The following CSTF3 variants were observed in gnomAD, a reference collection of about 807,000 sequenced individuals.
CSTF3 encodes the protein CF-1 77 kDa subunit.
Under a neutral mutation model 105.8 loss-of-function variants are expected in CSTF3, and 29 were observed. The ratio of observed to expected loss-of-function variants is 0.27; its 90% CI spans 0.20 to 0.37. The LOEUF (loss-of-function observed/expected upper bound fraction) is 0.37, where lower values mean the gene tolerates loss of function less well. CSTF3 is among the 10% of genes least tolerant of loss of function. CSTF3 has a pLI of 1.00. For missense variants in CSTF3, 357 were observed against 879.3 expected, an observed-to-expected ratio of 0.41 and a Z score of 7.51; for synonymous variants, 252 against 281.9, an observed-to-expected ratio of 0.89 and a Z score of 1.06.
chr11:33,135,994 A>C (rs1256482439), intron 3 of CSTF3: 3 of 152,536 alleles, frequency 2.0e-5, no homozygotes, highest in Non-Finnish European at 4.4e-5. Context: ...TACTATTTCA[A>C]AACTACATTT....
intron 3 of CSTF3, 33 bp from the exon 4 acceptor site, chr11:33,108,451 C>T (rs11605353): frequency 0.36 from 511,058 of 1,406,324 alleles, 97,514 homozygotes; most frequent in Non-Finnish European, 0.4. Context: ...AGAATTAATA[C>T]TATTTTTTTA....
chr11:33,086,826 G>C (rs990780673), intron 18 of CSTF3, among the ~76,000 whole-genome samples, 162 bp downstream of exon 18: 2 of 152,146 alleles, frequency 1.3e-5, no homozygotes, highest in African/African-American at 4.8e-5. Flanking sequence ...GACATTCTTA[G>C]TTAATCTAGT....
intron 1 of CSTF3, among the ~76,000 whole-genome samples, chr11:33,142,725 T>G (rs1029170493): frequency 1.3e-5 from 2 of 152,192 alleles, no homozygotes; most frequent in Non-Finnish European, 2.9e-5. Flanking sequence ...AATAAAACTT[T>G]TTACATGTTT....
At chr11:33,150,219 T>TAAAAAAA (rs10714096) in intron 1 of CSTF3, among the ~76,000 whole-genome samples, 39 of 104,306 alleles carry the variant, frequency 3.7e-4, no homozygotes, top group African/African-American at 7.6e-4. Context: ...TGTCTCAAAC[T>TAAAAAAA]AAAAAAAAAA....
chr11:33,088,756 G>A (rs1297539755), intron 17 of CSTF3, among the ~76,000 whole-genome samples: 1 of 151,834 alleles, frequency 6.6e-6, no homozygotes, highest in Non-Finnish European at 1.5e-5. Context: ...ACAGGCAGGC[G>A]CCACCACACC....
Position 33,096,951 on chromosome 11 carries a change from G to A in CSTF3, c.1156C>T (p.Arg386Trp). 6.2e-7 allele frequency: 1 copy of A among 1,609,442 alleles called. No homozygotes were observed. Among genetic ancestry groups the A allele is most frequent in the Non-Finnish European group, 8.5e-7 (1 of 1,176,756 alleles). The change falls in exon 14 of 21, where the codon CGG becomes TGG. Residue 386 changes from arginine (R) to tryptophan (W), a missense_variant. This residue lies in a region of CSTF3 where 206 missense variants were observed against 576.5 expected (regional missense o/e 0.36). Transcript: ENST00000323959. ...CCAGATTTGATGCCTTCTGCTCTCC[G>A]TGCAAATTTCATATATTGGATATAT... The part of the protein sequence containing the change: ...LVYIQYMKFA[R>W]RAEGIKSGRM...
intron 3 of CSTF3, chr11:33,136,312 AC>A (rs1298926732): frequency 6.6e-6 from 1 of 152,042 alleles, no homozygotes; most frequent in Non-Finnish European, 1.5e-5. Flanking sequence ...CTAGGAGCAA[AC>A]CGGTTTAATA....
At chr11:33,150,403 T>C (rs1855844746) in intron 1 of CSTF3, among the ~76,000 whole-genome samples, 1 of 152,124 alleles carries the variant, frequency 6.6e-6, no homozygotes, top group African/African-American at 2.4e-5. Flanking sequence ...TCTATAATCC[T>C]AATATCATTT....
Position 33,137,394 on chromosome 11 carries a change from A to G in CSTF3, c.225+4273T>C, listed in dbSNP as rs181748818. Among the ~76,000 whole-genome samples, 3 of 152,042 alleles carry G rather than the reference A, an allele frequency of 2.0e-5. 1 individual carries two copies. The highest frequency in any genetic ancestry group is 4.1e-4 in the South Asian group (2 of 4,834). On this transcript the variant is annotated intron_variant, in intron 3 of 20. Transcript: ENST00000323959. ...GGCTGAGAAAAAAAGTCCCAAGGGA[A>G]AAAATGTATAGACCATGTTAGTAGA...
At chr11:33,120,492 A>T (rs867427402) in intron 3 of CSTF3, among the ~76,000 whole-genome samples, 1 of 151,856 alleles carries the variant, frequency 6.6e-6, no homozygotes, top group Admixed American at 6.6e-5. Flanking sequence ...TCAGGTTTCA[A>T]TCACTTGATA....
intron 3 of CSTF3, 90 bp from the exon 4 acceptor site, chr11:33,108,508 T>G: frequency 8.3e-6 from 8 of 960,966 alleles, no homozygotes; most frequent in Non-Finnish European, 8.5e-6. Flanking sequence ...ACTTTGCAAA[T>G]TCATCCCTAT....
In CSTF3 at chr11:33,084,879, C is replaced by CTAAT. The variant is rs1307244619; in HGVS notation, c.*204_*207dup. On this transcript the variant is annotated 3_prime_UTR_variant, in exon 21 of 21. Coordinates refer to ENST00000323959, the MANE Select transcript of CSTF3 (RefSeq NM_001326.3). The stretch of plus-strand genomic sequence containing the variant: ...GTACTGTTCTCACATTTTTGAAAAC[C>CTAAT]TAATTTTGCTTAGAGCATAGGTCTG... 1 of 607,892 alleles carries CTAAT rather than the reference C, an allele frequency of 1.6e-6. No individual in the cohort carries two copies. Among genetic ancestry groups the CTAAT allele is most frequent in the African/African-American group, 1.9e-5 (1 of 54,026 alleles). 37.7% of individuals were successfully genotyped at this position (607,892 alleles called of 1,614,324 possible). A position where few individuals can be genotyped will look rare whatever the true frequency, so the allele number is the denominator to read the frequency against.
chr11:33,088,798 T>C (rs574088594), intron 17 of CSTF3, among the ~76,000 whole-genome samples: 5 of 151,866 alleles, frequency 3.3e-5, no homozygotes, highest in Middle Eastern at 3.4e-3. Flanking sequence ...TCTCTTTTTT[T>C]GGTAGAGATG....
chr11:33,142,173 C>T (rs896056932), intron 1 of CSTF3, among the ~76,000 whole-genome samples, 187 bp from the exon 2 acceptor site: 4 of 151,800 alleles, frequency 2.6e-5, no homozygotes, highest in Admixed American at 1.3e-4. Flanking sequence ...CTGTGGGCTC[C>T]GCATCCTTAT....
At chr11:33,158,534 T>A (rs1849895329) in intron 1 of CSTF3, among the ~76,000 whole-genome samples, 1 of 152,152 alleles carries the variant, frequency 6.6e-6, no homozygotes, top group Non-Finnish European at 1.5e-5. Flanking sequence ...TATCAATTGA[T>A]AACTAGGTAT....
At chr11:33,154,927 TA>T (rs1483636621) in intron 1 of CSTF3, among the ~76,000 whole-genome samples, 1 of 152,178 alleles carries the variant, frequency 6.6e-6, no homozygotes, top group Non-Finnish European at 1.5e-5. Context: ...TGTGTTCCTT[TA>T]CCAATGCAAC....
At position 33,099,778 on chromosome 11, in the gene CSTF3, A is replaced by C; in HGVS notation, c.827-61T>G. 2.8e-6 allele frequency: 3 copies of C among 1,082,690 alleles called. No individual in the cohort carries two copies. The highest frequency in any genetic ancestry group is 4.5e-4 in the Middle Eastern group (2 of 4,416). 67.1% of individuals were successfully genotyped at this position (1,082,690 alleles called of 1,614,324 possible). ...AATAATTATTATTTGTAAAACTATCAATGTAAATATCATAACCAAATTAGG... is the reference window on the plus strand; with the variant it reads ...AATAATTATTATTTGTAAAACTATCCATGTAAATATCATAACCAAATTAGG... On this transcript the variant is annotated intron_variant, in intron 10 of 20. Transcript: ENST00000323959. The surrounding 1 kb of genome is among the most constrained non-coding windows in gnomAD (Gnocchi z 4.1).
At chr11:33,130,939 GGATCACCT>G (rs1855592172) in intron 3 of CSTF3, among the ~76,000 whole-genome samples, 1 of 152,086 alleles carries the variant, frequency 6.6e-6, no homozygotes, top group Non-Finnish European at 1.5e-5. Flanking sequence ...TGAGGTGGGA[GGATCACCT>G]GAGCCTGTGC....
chr11:33,153,078 T>C lies in CSTF3; in HGVS notation c.27+8221A>G, dbSNP rs373141023. Among the ~76,000 whole-genome samples, 12 of 151,938 alleles carry C rather than the reference T, an allele frequency of 7.9e-5. No individual in the cohort carries two copies. The South Asian group carries it at 1.9e-3, about 24-fold the overall frequency. On this transcript the variant is annotated intron_variant, in intron 1 of 20. Coordinates refer to ENST00000323959, the MANE Select transcript of CSTF3 (RefSeq NM_001326.3). Reference sequence around the variant, plus strand: ...TTAAAAATAATAAATTCCTTAAATATGAATATAAATATTTTACTGAAGGAA... The same window carrying C: ...TTAAAAATAATAAATTCCTTAAATACGAATATAAATATTTTACTGAAGGAA...
Sources: gnomAD v4.1 joint callset for allele counts (sites outside exome capture counted in the v4.1 genomes callset) on GRCh38, gnomAD v4.1.1 for gene constraint, gnomAD v4.1.1 regional missense constraint, Gnocchi (gnomAD v3.1) non-coding constraint, MANE v1.5 for transcripts, NCBI Gene and HGNC (gene_info 2026-07-23, HGNC 2026-07-21) for gene names.